CLSTN2: variants seen among roughly 807,000 people sequenced by gnomAD.
CLSTN2 encodes the protein calsyntenin 2.
Under a neutral mutation model 101.2 loss-of-function variants are expected in CLSTN2, and 48 were observed. That is an observed-to-expected ratio of 0.47 (90% CI 0.38 to 0.60). CLSTN2 has a LOEUF of 0.60. Ranked by LOEUF, CLSTN2 falls within the 20% of genes least tolerant of loss-of-function variation. The pLI is 0.00. For missense variants in CLSTN2, 1,160 were observed against 1,238.2 expected (o/e 0.94, Z 0.95); for synonymous variants, 481 against 463.6 (o/e 1.04, Z -0.48).
chr3:140,096,326 G>A (rs1003823173), intron 1 of CLSTN2, among the ~76,000 whole-genome samples: 2 of 152,140 alleles, frequency 1.3e-5, no homozygotes, highest in African/African-American at 4.8e-5. Flanking sequence ...GAAGTTCCCA[G>A]CTTTTGCAGT....
At chr3:140,504,159 T>A (rs975610138) in intron 8 of CLSTN2, among the ~76,000 whole-genome samples, 1 of 152,186 alleles carries the variant, frequency 6.6e-6, no homozygotes, top group Non-Finnish European at 1.5e-5. Flanking sequence ...GCTTTCTCTG[T>A]GTGGAGCAGG....
intron 2 of CLSTN2, among the ~76,000 whole-genome samples, chr3:140,272,743 C>T (rs930524656): frequency 6.6e-6 from 1 of 152,020 alleles, no homozygotes; most frequent in Non-Finnish European, 1.5e-5. Flanking sequence ...CAGAGCAAGA[C>T]CCTGTCTTCA....
chr3:140,008,699 ACAAT>A (rs1171390977), intron 1 of CLSTN2, among the ~76,000 whole-genome samples: 3 of 152,228 alleles, frequency 2.0e-5, no homozygotes, highest in African/African-American at 4.8e-5. Flanking sequence ...CCTAATACGA[ACAAT>A]CAGAGTATTA....
At chr3:140,240,718 A>G (rs1047211055) in intron 2 of CLSTN2, among the ~76,000 whole-genome samples, 23 of 152,182 alleles carry the variant, frequency 1.5e-4, no homozygotes, top group Admixed American at 1.4e-3. Context: ...AAGCAGCAGA[A>G]TAGAGAGTTA....
chr3:140,305,714 A>C (rs2087107910), intron 2 of CLSTN2, among the ~76,000 whole-genome samples: 1 of 152,214 alleles, frequency 6.6e-6, no homozygotes, highest in Non-Finnish European at 1.5e-5. Context: ...ATGGAAATTC[A>C]GACTCTTGAA....
chr3:140,250,406 A>G (rs2086553179), intron 2 of CLSTN2, among the ~76,000 whole-genome samples: 1 of 152,206 alleles, frequency 6.6e-6, no homozygotes, highest in African/African-American at 2.4e-5. Context: ...GAAAATTTCC[A>G]TGGCCGGTGG....
intron 1 of CLSTN2, among the ~76,000 whole-genome samples, chr3:140,135,809 C>T (rs960364218): frequency 6.6e-6 from 1 of 152,122 alleles, no homozygotes; most frequent in African/African-American, 2.4e-5. Flanking sequence ...CTGTCCAGAT[C>T]CCCTCCATTT....
chr3:140,556,483 T>A, intron 10 of CLSTN2, 30 bp from the exon 11 acceptor site: 1 of 1,613,030 alleles, frequency 6.2e-7, no homozygotes, highest in East Asian at 2.2e-5. Flanking sequence ...CTGACCATTC[T>A]CTTCCATGAT....
At position 140,421,238 on chromosome 3, in the gene CLSTN2, G is replaced by C. The variant is rs2088502749; in HGVS notation, c.751G>C (p.Val251Leu). The C allele has an allele frequency of 6.2e-7, 1 of 1,614,072 alleles. No homozygotes were observed. Residue 251 changes from valine (V) to leucine (L), a missense_variant, in exon 5 of 17, where the codon GTG (valine) becomes CTG (leucine). Physicochemically the swap from Val to Leu is conservative, Grantham distance 32. Transcript: ENST00000458420. ...CGCTGCTCAGGACACCCTGGTGCAG[G>C]TGGATGTGAAGCCAGTTTGCAAGCC... ...KPAAQDTLVQVDVKPVCKPGW... is the reference protein window; with the variant it reads ...KPAAQDTLVQLDVKPVCKPGW...
intron 2 of CLSTN2, among the ~76,000 whole-genome samples, chr3:140,348,846 C>G (rs1397872061): frequency 6.6e-6 from 1 of 152,190 alleles, no homozygotes; most frequent in Non-Finnish European, 1.5e-5. Flanking sequence ...CAGAGATGTT[C>G]TCTGTAGCTT....
chr3:140,418,808 G>A (rs375060596), intron 4 of CLSTN2, among the ~76,000 whole-genome samples: 3 of 152,028 alleles, frequency 2.0e-5, no homozygotes, highest in African/African-American at 4.8e-5. Flanking sequence ...GAGCCACTGC[G>A]CCGGGCTGAT....
At chr3:140,470,721 AG>A (rs766363906) in intron 8 of CLSTN2, among the ~76,000 whole-genome samples, 41 of 152,362 alleles carry the variant, frequency 2.7e-4, no homozygotes, top group Non-Finnish European at 4.6e-4. Flanking sequence ...GGGCAAATAT[AG>A]GGAATTCTAG....
intron 8 of CLSTN2, among the ~76,000 whole-genome samples, chr3:140,522,911 G>A (rs189469): frequency 0.15 from 23,181 of 152,080 alleles, 2,110 homozygotes; most frequent in East Asian, 0.35. Flanking sequence ...ACAGGCAAAG[G>A]GTTGTTTCTT....
intron 1 of CLSTN2, among the ~76,000 whole-genome samples, chr3:140,117,420 CAG>C (rs914960077): frequency 2.0e-5 from 3 of 152,128 alleles, no homozygotes; most frequent in South Asian, 2.1e-4. Flanking sequence ...GCCTATAAAA[CAG>C]AGCTAACAGT....
chr3:140,492,272 T>C (rs923194950), intron 8 of CLSTN2, among the ~76,000 whole-genome samples: 4 of 152,208 alleles, frequency 2.6e-5, no homozygotes, highest in Non-Finnish European at 4.4e-5. Flanking sequence ...TATTTGGCAA[T>C]ATCTGCTAAA....
At chr3:140,286,166 C>A (rs2086894286) in intron 2 of CLSTN2, among the ~76,000 whole-genome samples, 1 of 152,126 alleles carries the variant, frequency 6.6e-6, no homozygotes, top group South Asian at 2.1e-4. Flanking sequence ...AAGGAAGCAA[C>A]CTCTCTGTCC....
At chr3:140,497,183 A>G (rs550822918) in intron 8 of CLSTN2, among the ~76,000 whole-genome samples, 1 of 151,960 alleles carries the variant, frequency 6.6e-6, no homozygotes, top group African/African-American at 2.4e-5. Flanking sequence ...TTCCTCGTGC[A>G]GATAGCTTGG....
intron 2 of CLSTN2, among the ~76,000 whole-genome samples, chr3:140,332,859 G>A (rs2087399389): frequency 6.6e-6 from 1 of 152,224 alleles, no homozygotes; most frequent in African/African-American, 2.4e-5. Flanking sequence ...CTAGATCTTA[G>A]CAGAACCTTT....
chr3:140,385,003 A>C (rs766450936), intron 2 of CLSTN2, among the ~76,000 whole-genome samples: 7 of 152,208 alleles, frequency 4.6e-5, no homozygotes, highest in Non-Finnish European at 1.0e-4. Context: ...GAGCCAGAAA[A>C]GAAGTGGGCA....
Sources: allele counts gnomAD v4.1 joint callset (sites outside exome capture counted in the v4.1 genomes callset), GRCh38; gene constraint gnomAD v4.1.1; transcripts MANE v1.5; gene names NCBI Gene and HGNC (gene_info 2026-07-23, HGNC 2026-07-21).